SLC38A4: variants seen among roughly 807,000 people sequenced by gnomAD.
SLC38A4 encodes the protein sodium-coupled neutral amino acid transporter 4.
Under a neutral mutation model 63.1 loss-of-function variants are expected in SLC38A4, and 20 were observed. The ratio of observed to expected loss-of-function variants is 0.32; its 90% CI spans 0.22 to 0.46. SLC38A4 has a LOEUF of 0.46. Ranked by LOEUF, SLC38A4 falls within the 20% of genes least tolerant of loss-of-function variation. The pLI is 1.00. For missense variants in SLC38A4, 526 were observed against 663.6 expected, an observed-to-expected ratio of 0.79 and a Z score of 2.28; for synonymous variants, 230 against 225.5, an observed-to-expected ratio of 1.02 and a Z score of -0.18.
chr12:46,766,247 G>C lies in SLC38A4; in HGVS notation c.*454C>G. ...TGTTAGTAAACAGACCAGAGACTTT[G>C]GTGCAAGACTGAGAGAAGACATTAA... is the stretch of plus-strand genomic sequence containing the variant. On this transcript the variant is annotated 3_prime_UTR_variant, in exon 17 of 17. Transcript: ENST00000266579. 2.6e-6 allele frequency: 1 copy of C among 388,386 alleles called. No homozygotes were observed. The highest frequency in any genetic ancestry group is 1.9e-5 in the South Asian group (1 of 52,100). The allele number at this position is 388,386 out of a possible 1,614,324, so 24.1% of individuals were successfully genotyped here.
Position 46,766,347 on chromosome 12 carries a change from G to A in SLC38A4, c.*354C>T, listed in dbSNP as rs968304095. On this transcript the variant is annotated 3_prime_UTR_variant, in exon 17 of 17. Coordinates refer to ENST00000266579, the MANE Select transcript of SLC38A4 (RefSeq NM_018018.5). ...GCAAATGTTTGGTACTTTTTTAGGG[G>A]GTGCAGGATGAGGAGACGGCAGGGG... 1 of 459,148 alleles carries A rather than the reference G, an allele frequency of 2.2e-6. No individual in the cohort carries two copies. Among genetic ancestry groups the A allele is most frequent in the African/African-American group, 2.0e-5 (1 of 50,258 alleles). 28.4% of individuals were successfully genotyped at this position (459,148 alleles called of 1,614,324 possible).
At chr12:46,770,528 A>T (rs545125750) in intron 14 of SLC38A4, among the ~76,000 whole-genome samples, 1 of 152,150 alleles carries the variant, frequency 6.6e-6, no homozygotes, top group East Asian at 1.9e-4. Flanking sequence ...TCCCTTCAGG[A>T]TCCTTGACAG....
intron 7 of SLC38A4, among the ~76,000 whole-genome samples, chr12:46,780,810 C>T (rs1938622589): frequency 6.6e-6 from 1 of 151,900 alleles, no homozygotes; most frequent in South Asian, 2.1e-4. Context: ...TTGCCTACAA[C>T]TGTAAATATT....
chr12:46,814,061 T>A (rs1205693509), intron 1 of SLC38A4, among the ~76,000 whole-genome samples: 1 of 151,998 alleles, frequency 6.6e-6, no homozygotes, highest in Non-Finnish European at 1.5e-5. Context: ...TTAGACAAGG[T>A]TATTGTGAGG....
intron 2 of SLC38A4, among the ~76,000 whole-genome samples, chr12:46,802,188 C>T (rs770215031): frequency 2.0e-5 from 3 of 152,034 alleles, no homozygotes; most frequent in Non-Finnish European, 4.4e-5. Context: ...ACATAGTCAT[C>T]TTAAACATAA....
intron 2 of SLC38A4, among the ~76,000 whole-genome samples, chr12:46,794,093 T>G (rs1938951517): frequency 1.3e-5 from 2 of 152,170 alleles, no homozygotes; most frequent in Admixed American, 1.3e-4. Context: ...AAAAGTGTGG[T>G]CATGACATGT....
At chr12:46,824,152 T>C (rs969702267) in intron 1 of SLC38A4, among the ~76,000 whole-genome samples, 5 of 152,218 alleles carry the variant, frequency 3.3e-5, no homozygotes, top group East Asian at 1.9e-4. Context: ...TGTCTGAGCA[T>C]AGATAGGCAG....
At chr12:46,778,031 A>G (rs1331209265) in intron 12 of SLC38A4, among the ~76,000 whole-genome samples, 1 of 152,020 alleles carries the variant, frequency 6.6e-6, no homozygotes, top group East Asian at 1.9e-4. Context: ...AATTATTACA[A>G]CCATCGACTC....
intron 12 of SLC38A4, among the ~76,000 whole-genome samples, chr12:46,777,887 A>G (rs1353747327): frequency 6.6e-6 from 1 of 152,052 alleles, no homozygotes; most frequent in Non-Finnish European, 1.5e-5. Context: ...GGTGCTGACT[A>G]TAAATGACAT....
intron 1 of SLC38A4, among the ~76,000 whole-genome samples, chr12:46,813,556 T>C (rs183521247): frequency 4.4e-4 from 67 of 152,128 alleles, no homozygotes; most frequent in South Asian, 1.9e-3. Flanking sequence ...TGTCTGTGCC[T>C]CTTGCAAGCC....
At chr12:46,768,285 G>A in intron 16 of SLC38A4, 25 bp downstream of exon 16, 1 of 1,498,732 alleles carries the variant, frequency 6.7e-7, no homozygotes, top group Non-Finnish European at 9.2e-7. Flanking sequence ...AACTAATAAT[G>A]GGGGAAATTG....
In SLC38A4 at chr12:46,792,985, C is replaced by G. The variant is rs145574554; in HGVS notation, c.87G>C (p.Gly29=). The G allele has an allele frequency of 1.2e-6, 2 of 1,613,264 alleles. No homozygotes were observed. The highest frequency in any genetic ancestry group is 1.7e-4 in the Middle Eastern group (1 of 6,054). Residue 29 remains glycine (G), a synonymous_variant, in exon 3 of 17, where the codon GGG becomes GGC. Transcript: ENST00000266579. ...SGESAPDSYI[G]IGNSEKAAMS... ...TTGCTGCCTTTTCTGAATTTCCTAT[C>G]CCGATGTAGCTATCTGGAGCACTTT...
At chr12:46,823,135 A>T (rs1168748138) in intron 1 of SLC38A4, among the ~76,000 whole-genome samples, 3 of 152,186 alleles carry the variant, frequency 2.0e-5, no homozygotes, top group Non-Finnish European at 4.4e-5. Context: ...ATATATTTAC[A>T]TTTCTTATCA....
upstream of SLC38A4, among the ~76,000 whole-genome samples, chr12:46,830,990 T>A (rs1939723960): frequency 1.3e-5 from 2 of 152,278 alleles, no homozygotes; most frequent in Admixed American, 6.5e-5. Context: ...CGACCACGTA[T>A]CCCTGAGTTT....
chr12:46,788,009 C>T lies in SLC38A4; in HGVS notation c.233G>A (p.Gly78Glu). ...DEHHPGTTSF[G>E]MSSFNLSNAI... ...ATTACTCAGGTTAAATGAAGACATT[C>T]CAAAGGAAGTGGTTCCGGGATGCTT... Residue 78 changes from glycine to glutamate, a missense_variant, in exon 5 of 17, where the codon GGA becomes GAA. Gly to Glu is a moderately conservative substitution (Grantham distance 98). Transcript: ENST00000266579. 6.2e-7 allele frequency: 1 copy of T among 1,613,712 alleles called. No homozygotes were observed. Among genetic ancestry groups the T allele is most frequent in the Non-Finnish European group, 8.5e-7 (1 of 1,179,762 alleles).
At position 46,768,352 on chromosome 12, in the gene SLC38A4, T is replaced by A. The variant is rs760622172; in HGVS notation, c.1500A>T (p.Lys500Asn). The A allele has an allele frequency of 1.9e-6, 3 of 1,611,508 alleles. No individual in the cohort carries two copies. The highest frequency in any genetic ancestry group is 8.5e-7 in the Non-Finnish European group (1 of 1,178,498). Reference sequence around the variant, plus strand: ...ACCTAAAAGTTTCTTTCTTGACAAGTTTAAGATAAAAAACTGCTGGAAGAA... The same window carrying A: ...ACCTAAAAGTTTCTTTCTTGACAAGATTAAGATAAAAAACTGCTGGAAGAA... Reference protein sequence around the residue: ...IFILPAVFYLKLVKKETFRSP... With the variant: ...IFILPAVFYLNLVKKETFRSP... The change falls in exon 16 of 17, where the codon AAA becomes AAT. Residue 500 changes from lysine (K) to asparagine (N), a missense_variant. Physicochemically the swap from Lys to Asn is moderately conservative, Grantham distance 94. Coordinates refer to ENST00000266579, the MANE Select transcript of SLC38A4 (RefSeq NM_018018.5).
chr12:46,806,350 G>A (rs957888501), intron 1 of SLC38A4, among the ~76,000 whole-genome samples: 6 of 151,962 alleles, frequency 3.9e-5, no homozygotes, highest in Admixed American at 6.6e-5. Flanking sequence ...CAGATTTTTA[G>A]TGATGAAGAT....
chr12:46,784,514 G>C (rs557813970), intron 7 of SLC38A4, 28 bp downstream of exon 7: 2 of 1,554,006 alleles, frequency 1.3e-6, no homozygotes. Context: ...AAAGTTTATG[G>C]GATCCATTGA....
intron 14 of SLC38A4, among the ~76,000 whole-genome samples, chr12:46,769,658 G>A (rs1285060233): frequency 6.6e-6 from 1 of 151,908 alleles, no homozygotes; most frequent in Non-Finnish European, 1.5e-5. Flanking sequence ...AGTCATTTCG[G>A]TCAACAACAG....
Sources: allele counts gnomAD v4.1 joint callset (sites outside exome capture counted in the v4.1 genomes callset), GRCh38; gene constraint gnomAD v4.1.1; transcripts MANE v1.5; gene names NCBI Gene and HGNC (gene_info 2026-07-23, HGNC 2026-07-21).